Variants in SPCS2 observed in about 807,000 individuals in gnomAD.
The protein encoded by SPCS2 is SPase 25 kDa subunit.
Under a neutral mutation model 22.3 loss-of-function variants are expected in SPCS2, and 3 were observed. The ratio of observed to expected loss-of-function variants is 0.13; its 90% CI spans 0.06 to 0.35. The LOEUF is 0.35. Ranked by LOEUF, SPCS2 falls within the 10% of genes least tolerant of loss-of-function variation. The pLI, the probability that SPCS2 is intolerant of heterozygous loss-of-function variation, is 1.00. For synonymous variants in SPCS2, 67 were observed against 97.2 expected (o/e 0.69, Z 1.83); for missense variants, 169 against 280.9 (o/e 0.60, Z 2.85).
chr11:74,958,348 T>C (rs1054683710), intron 1 of SPCS2, among the ~76,000 whole-genome samples: 1 of 152,256 alleles, frequency 6.6e-6, no homozygotes, highest in South Asian at 2.1e-4. Flanking sequence ...AAAAAATAGA[T>C]TGAAATTGAA....
At position 74,969,696 on chromosome 11, in the gene SPCS2, A is replaced by C; in HGVS notation, c.491A>C (p.Lys164Thr). Residue 164 changes from lysine (K) to threonine (T), a missense_variant, in exon 4 of 5, where the codon AAA (lysine) becomes ACA (threonine). Transcript: ENST00000263672. ...DDIWQLSSSL[K>T]RFDDKYTLKL... ...ATTTGGCAGCTGTCCTCCAGTCTTA[A>C]AAGGTATGACTATCCTCACAGATTT... is the stretch of plus-strand genomic sequence containing the variant. 1.2e-6 allele frequency: 2 copies of C among 1,613,766 alleles called. No individual in the cohort carries two copies. Among genetic ancestry groups the C allele is most frequent in the South Asian group, 2.2e-5 (2 of 91,078 alleles).
intron 3 of SPCS2, among the ~76,000 whole-genome samples, chr11:74,969,025 C>T (rs1301176310): frequency 1.3e-5 from 2 of 152,074 alleles, no homozygotes; most frequent in Non-Finnish European, 2.9e-5. Flanking sequence ...CAGTTTTTGG[C>T]AAACTATAAG....
chr11:74,976,369 G>C (rs1203371770), intron 4 of SPCS2, among the ~76,000 whole-genome samples: 1 of 152,208 alleles, frequency 6.6e-6, no homozygotes, highest in Admixed American at 6.5e-5. Context: ...CCTGGCATAT[G>C]ACAGGAGGTC....
chr11:74,978,587 A>C lies in SPCS2; in HGVS notation c.*1544A>C, dbSNP rs1027346841. 3 of 152,254 alleles carry C rather than the reference A, an allele frequency of 2.0e-5. No individual in the cohort carries two copies. Among genetic ancestry groups the C allele is most frequent in the African/African-American group, 7.2e-5 (3 of 41,466 alleles). The allele number at this position is 152,254 out of a possible 1,614,324, so 9.4% of individuals were successfully genotyped here. A position where few individuals can be genotyped will look rare whatever the true frequency, so the allele number is the denominator to read the frequency against. On this transcript the variant is annotated 3_prime_UTR_variant, in exon 5 of 5. Transcript: ENST00000263672. ...TTATATAAAATGGTATAGCATTTGC[A>C]TATAACCTACACACATCCTCCCATA...
intron 1 of SPCS2, among the ~76,000 whole-genome samples, chr11:74,961,350 A>G (rs935640902): frequency 1.3e-5 from 2 of 152,212 alleles, no homozygotes; most frequent in Non-Finnish European, 2.9e-5. Context: ...TAGAGAGGTT[A>G]AATTATTTGC....
At chr11:74,964,682 T>TA (rs1948533168) in intron 1 of SPCS2, among the ~76,000 whole-genome samples, 2 of 152,228 alleles carry the variant, frequency 1.3e-5, no homozygotes, top group African/African-American at 4.8e-5. Context: ...AGTTTACACT[T>TA]ACAGTCTGTG....
intron 4 of SPCS2, among the ~76,000 whole-genome samples, chr11:74,974,765 C>T (rs977955688): frequency 1.3e-5 from 2 of 152,180 alleles, no homozygotes; most frequent in Non-Finnish European, 2.9e-5. Context: ...CAGGCACCAG[C>T]CACCACGTCT....
chr11:74,960,297 G>A (rs1229920451), intron 1 of SPCS2, among the ~76,000 whole-genome samples: 3 of 152,190 alleles, frequency 2.0e-5, no homozygotes, highest in East Asian at 3.9e-4. Context: ...GCGCCACTGC[G>A]CTCAGCCTGG....
At chr11:74,971,063 C>A (rs536211488) in intron 4 of SPCS2, among the ~76,000 whole-genome samples, 1 of 152,048 alleles carries the variant, frequency 6.6e-6, no homozygotes, top group South Asian at 2.1e-4. Context: ...AGTCTACTTT[C>A]TCTGTTCTCT....
intron 1 of SPCS2, chr11:74,949,711 A>C: frequency 2.1e-6 from 1 of 466,174 alleles, no homozygotes; most frequent in South Asian, 1.6e-5. Flanking sequence ...GGCTGGGTGC[A>C]CTGTTGTCAG....
intron 4 of SPCS2, among the ~76,000 whole-genome samples, chr11:74,972,290 G>A (rs754780842): frequency 1.3e-5 from 2 of 152,038 alleles, no homozygotes; most frequent in Non-Finnish European, 2.9e-5. Flanking sequence ...ACTTGAACTC[G>A]TGACCTCAAG....
rs778497812 is a variant in SPCS2 at position 74,976,812 on chromosome 11, C to T, written c.495-45C>T. ...GGTGCCGTATTGTTACTGGTTGAAT[C>T]TCTGTGTTTGGTTTTTAATTTGTTA... On this transcript the variant is annotated intron_variant, in intron 4 of 4. Coordinates refer to ENST00000263672, the MANE Select transcript of SPCS2 (RefSeq NM_014752.3). The T allele has an allele frequency of 3.1e-6, 5 of 1,610,952 alleles. No homozygotes were observed. The East Asian group carries it at 8.9e-5, about 29-fold the overall frequency.
At chr11:74,964,817 ATTGT>A (rs1284084955) in intron 1 of SPCS2, among the ~76,000 whole-genome samples, 1 of 152,096 alleles carries the variant, frequency 6.6e-6, no homozygotes, top group Non-Finnish European at 1.5e-5. Flanking sequence ...CTGATTTTTA[ATTGT>A]TTGGTCTTTT....
intron 4 of SPCS2, among the ~76,000 whole-genome samples, chr11:74,974,545 T>C (rs1159075364): frequency 6.6e-6 from 1 of 152,224 alleles, no homozygotes; most frequent in Non-Finnish European, 1.5e-5. Flanking sequence ...CATCTAAATG[T>C]ATTGTCCAAC....
rs373047398 is a variant in SPCS2, at chr11:74,953,326, G to A, written c.114+3927G>A. ...TCCTGCCTCAGTCTCCCGAGTAGCT[G>A]GGATTACAGGCATGTGCCTCCATAC... On this transcript the variant is annotated intron_variant, in intron 1 of 4. Coordinates refer to ENST00000263672, the MANE Select transcript of SPCS2 (RefSeq NM_014752.3). Among the ~76,000 whole-genome samples the A allele has an allele frequency of 9.9e-5, 15 of 151,922 alleles. No individual in the cohort carries two copies. In the East Asian group the frequency reaches 1.2e-3, roughly 12 times the overall value.
chr11:74,959,034 G>A (rs1211036134), intron 1 of SPCS2, among the ~76,000 whole-genome samples: 2 of 152,052 alleles, frequency 1.3e-5, no homozygotes, highest in East Asian at 1.9e-4. Flanking sequence ...GGTTTCTCTC[G>A]GATGCCTCAT....
intron 4 of SPCS2, among the ~76,000 whole-genome samples, chr11:74,974,531 C>T (rs1400616150): frequency 6.6e-6 from 1 of 152,196 alleles, no homozygotes; most frequent in Non-Finnish European, 1.5e-5. Flanking sequence ...CCTGTTAGCT[C>T]CACCATCTAA....
At chr11:74,975,600 A>G (rs1374682699) in intron 4 of SPCS2, among the ~76,000 whole-genome samples, 1 of 152,232 alleles carries the variant, frequency 6.6e-6, no homozygotes, top group African/African-American at 2.4e-5. Flanking sequence ...TCTAAAAATT[A>G]CTGTGATATC....
Position 74,954,810 on chromosome 11 carries a change from T to C in SPCS2, c.114+5411T>C, listed in dbSNP as rs564943938. On this transcript the variant is annotated intron_variant, in intron 1 of 4. Coordinates refer to ENST00000263672, the MANE Select transcript of SPCS2 (RefSeq NM_014752.3). ...ATCTACAGAATGAGAGAAAACATTT[T>C]CAAATCATATATCTGATAAGGGTCT... Among the ~76,000 whole-genome samples, 22 of 152,304 alleles carry C rather than the reference T, an allele frequency of 1.4e-4. No individual in the cohort carries two copies. The South Asian group carries it at 4.6e-3, about 32-fold the overall frequency.
Sources: gnomAD v4.1 joint callset for allele counts (sites outside exome capture counted in the v4.1 genomes callset) on GRCh38, gnomAD v4.1.1 for gene constraint, MANE v1.5 for transcripts, NCBI Gene and HGNC (gene_info 2026-07-23, HGNC 2026-07-21) for gene names.